L1TD1: variants seen among roughly 807,000 people sequenced by gnomAD.
L1TD1 encodes LINE-1 type transposase domain-containing protein 1.
A neutral mutation model predicts 25.7 loss-of-function variants in L1TD1; 26 were observed. The ratio of observed to expected loss-of-function variants is 1.01; its 90% CI spans 0.74 to 1.40. The LOEUF (loss-of-function observed/expected upper bound fraction) is 1.40. Among genes scored for constraint, L1TD1 ranks in the 40% most tolerant of loss-of-function variants. The pLI, the probability that L1TD1 is intolerant of heterozygous loss-of-function variation, is 0.00. For synonymous variants in L1TD1, 421 were observed against 335.6 expected (o/e 1.25, Z -2.78); for missense variants, 1,130 against 975.0 (o/e 1.16, Z -2.12).
Position 62,210,187 on chromosome 1 carries a change from C to T in L1TD1, c.1413C>T (p.Asp471=). ...ATGGCATGGAAACTACTTTCATTGA[C>T]TCTGTAGAGGATTCTGAATCAGAGG... ...TSDGMETTFI[D]SVEDSESEEE... Residue 471 remains aspartate, a synonymous_variant, in exon 4 of 4, where the codon GAC becomes GAT. Transcript: ENST00000498273. The T allele has an allele frequency of 6.2e-7, 1 of 1,613,842 alleles. No homozygotes were observed. The highest frequency in any genetic ancestry group is 2.2e-5 in the East Asian group (1 of 44,882).
In L1TD1 at chr1:62,209,992, G is replaced by GAA. The variant is rs1670828791; in HGVS notation, c.1218_1219insAA (p.Glu407LysfsTer27). 6.8e-7 allele frequency: 1 copy of GAA among 1,469,510 alleles called. No homozygotes were observed. The highest frequency in any genetic ancestry group is 1.6e-5 in the African/African-American group (1 of 64,366). 91.0% of individuals were successfully genotyped at this position (1,469,510 alleles called of 1,614,324 possible). A position where few individuals can be genotyped will look rare whatever the true frequency, so the allele number is the denominator to read the frequency against. On this transcript the variant is annotated frameshift_variant, in exon 4 of 4. Coordinates refer to ENST00000498273, the MANE Select transcript of L1TD1 (RefSeq NM_019079.5). LOFTEE classifies it low-confidence loss of function (END_TRUNC). ...AAGATACCTCAGGGCTGGAGGAGGAGGAGGAAGAGCCCTCAGGGCTGGAGG... is the reference window on the plus strand; with the variant it reads ...AAGATACCTCAGGGCTGGAGGAGGAGAAGAGGAAGAGCCCTCAGGGCTGGAGG...
chr1:62,210,737 A>G lies in L1TD1; in HGVS notation c.1963A>G (p.Arg655Gly), dbSNP rs1670850505. The change falls in exon 4 of 4, where the codon AGA becomes GGA. Residue 655 changes from arginine (R) to glycine (G), a missense_variant. Transcript: ENST00000498273. ...IENSVDDLSS[R>G]MDILEERIDS... ...AAATTCAGTAGATGATCTGAGTAGC[A>G]GAATGGACATACTTGAAGAAAGAAT... 3 of 1,551,714 alleles carry G rather than the reference A, an allele frequency of 1.9e-6. No homozygotes were observed. The highest frequency in any genetic ancestry group is 2.6e-6 in the Non-Finnish European group (3 of 1,146,982).
In L1TD1 at chr1:62,210,762, T is replaced by C; in HGVS notation, c.1988T>C (p.Ile663Thr). The change falls in exon 4 of 4, where the codon ATA becomes ACA. Residue 663 changes from isoleucine to threonine, a missense_variant. Transcript: ENST00000498273. Reference protein sequence around the residue: ...SSRMDILEERIDSLEDQIEEF... With the variant: ...SSRMDILEERTDSLEDQIEEF... Reference sequence around the variant, plus strand: ...AGAATGGACATACTTGAAGAAAGAATAGACAGTCTAGAAGATCAAATTGAA... The same window carrying C: ...AGAATGGACATACTTGAAGAAAGAACAGACAGTCTAGAAGATCAAATTGAA... 6 of 1,551,326 alleles carry C rather than the reference T, an allele frequency of 3.9e-6. No individual in the cohort carries two copies. The highest frequency in any genetic ancestry group is 2.4e-5 in the South Asian group (2 of 83,972).
At position 62,210,704 on chromosome 1, in the gene L1TD1, G is replaced by C; in HGVS notation, c.1930G>C (p.Glu644Gln). The C allele has an allele frequency of 6.4e-7, 1 of 1,552,042 alleles. No homozygotes were observed. The highest frequency in any genetic ancestry group is 8.7e-7 in the Non-Finnish European group (1 of 1,147,128). The change falls in exon 4 of 4, where the codon GAA (glutamate) becomes CAA (glutamine). Residue 644 changes from glutamate (E) to glutamine (Q), a missense_variant. Glu to Gln is a conservative substitution (Grantham distance 29, BLOSUM62 2). Transcript: ENST00000498273. ...GAAAAGTTCCCATTCAGGTGTCTTGGAAATTGAAAATTCAGTAGATGATCT... is the reference window on the plus strand; with the variant it reads ...GAAAAGTTCCCATTCAGGTGTCTTGCAAATTGAAAATTCAGTAGATGATCT... ...NLKSSHSGVL[E>Q]IENSVDDLSS...
At chr1:62,200,776 C>T (rs1670626161) in intron 2 of L1TD1, among the ~76,000 whole-genome samples, 1 of 152,068 alleles carries the variant, frequency 6.6e-6, no homozygotes, top group African/African-American at 2.4e-5. Flanking sequence ...AATAACTATT[C>T]CTACTTCTGA....
At chr1:62,205,401 C>A (rs1670719996) in intron 2 of L1TD1, among the ~76,000 whole-genome samples, 1 of 39,256 alleles carries the variant, frequency 2.5e-5, no homozygotes, top group Non-Finnish European at 4.5e-5. Flanking sequence ...CTCTCTCTCT[C>A]TCTCTCTCTC....
chr1:62,207,432 AGAAAAT>A lies in L1TD1; in HGVS notation c.807_812del (p.Glu269_Asn270del), dbSNP rs1157959597. 1.7e-5 allele frequency: 26 copies of A among 1,550,800 alleles called. No homozygotes were observed. Among genetic ancestry groups the A allele is most frequent in the Non-Finnish European group, 2.3e-5 (26 of 1,146,680 alleles). ...GGAGTAATGTCTTCAACATTCTGAG[AGAAAAT>A]GATTTTGAACCTAAATTTCTGTGTG... is the stretch of plus-strand genomic sequence containing the variant. On this transcript the variant is annotated inframe_deletion, in exon 3 of 4. Transcript: ENST00000498273.
At chr1:62,209,684 G>A (rs542934495) in intron 3 of L1TD1, 99 bp from the exon 4 acceptor site, 1 of 1,017,182 alleles carries the variant, frequency 9.8e-7, no homozygotes. Context: ...TGTCAGAATT[G>A]AAGCCATATT....
chr1:62,202,814 G>T (rs1030284385), intron 2 of L1TD1, among the ~76,000 whole-genome samples: 1 of 151,374 alleles, frequency 6.6e-6, no homozygotes, highest in Non-Finnish European at 1.5e-5. Flanking sequence ...CTCCTGAGCA[G>T]CTGGGATTAC....
chr1:62,210,100 G>A lies in L1TD1; in HGVS notation c.1326G>A (p.Gln442=), dbSNP rs1237507542. The A allele has an allele frequency of 9.3e-6, 15 of 1,613,954 alleles. No homozygotes were observed. The highest frequency in any genetic ancestry group is 1.2e-5 in the Non-Finnish European group (14 of 1,180,036). ...LEEEEEQTSE[Q]DSTFQGHTLV... Reference sequence around the variant, plus strand: ...AGGAAGAGGAACAGACTTCAGAACAGGACTCAACCTTTCAGGGTCATACTT... The same window carrying A: ...AGGAAGAGGAACAGACTTCAGAACAAGACTCAACCTTTCAGGGTCATACTT... Residue 442 remains glutamine, a synonymous_variant, in exon 4 of 4, where the codon CAG becomes CAA. Coordinates refer to ENST00000498273, the MANE Select transcript of L1TD1 (RefSeq NM_019079.5).
Position 62,210,445 on chromosome 1 carries a change from TCC to T in L1TD1, c.1673_1674del (p.Pro558LeufsTer9). The T allele has an allele frequency of 6.2e-7, 1 of 1,614,090 alleles. No individual in the cohort carries two copies. Among genetic ancestry groups the T allele is most frequent in the Non-Finnish European group, 8.5e-7 (1 of 1,180,030 alleles). On this transcript the variant is annotated frameshift_variant, in exon 4 of 4. Transcript: ENST00000498273. LOFTEE classifies it low-confidence loss of function (END_TRUNC). ...TPCLTLCLAS[P>X]SKSLEMSHDE... ...CCTGTCTGACCTTATGTTTGGCCTC[TCC>T]CTCAAAGTCACTAGAGATGAGTCAT...
chr1:62,200,831 C>T (rs183786774), intron 2 of L1TD1, among the ~76,000 whole-genome samples: 7 of 152,170 alleles, frequency 4.6e-5, no homozygotes, highest in Admixed American at 2.6e-4. Context: ...TACTCAACTC[C>T]TGGGATTGGG....
chr1:62,208,260 G>GAACAACTC (rs1557445917), intron 3 of L1TD1: 3 of 152,988 alleles, frequency 2.0e-5, no homozygotes, highest in East Asian at 3.9e-4. Context: ...TTGAGACCTT[G>GAACAACTC]AACAACTCCG....
Position 62,207,466 on chromosome 1 carries a change from G to A in L1TD1, c.838G>A (p.Val280Ile), listed in dbSNP as rs1340766493. 3.9e-6 allele frequency: 6 copies of A among 1,551,088 alleles called. No individual in the cohort carries two copies. The highest frequency in any genetic ancestry group is 5.2e-6 in the Non-Finnish European group (6 of 1,146,756). ...TTTTGAACCTAAATTTCTGTGTGAA[G>A]TTAAATTAGCATTTAAATGTGATGG... ...NDFEPKFLCE[V>I]KLAFKCDGEI... is the part of the protein sequence containing the mutation. Residue 280 changes from valine (V) to isoleucine (I), a missense_variant, in exon 3 of 4, where the codon GTT becomes ATT. By Grantham distance (29) the Val-to-Ile change is conservative. Coordinates refer to ENST00000498273, the MANE Select transcript of L1TD1 (RefSeq NM_019079.5).
chr1:62,195,907 C>T (rs1177747427), intron 1 of L1TD1, among the ~76,000 whole-genome samples: 2 of 151,714 alleles, frequency 1.3e-5, no homozygotes, highest in Non-Finnish European at 2.9e-5. Context: ...TGTGTTGGCT[C>T]GCGCCTGTAG....
At chr1:62,196,845 A>G (rs1015323886) in intron 2 of L1TD1, among the ~76,000 whole-genome samples, 1 of 151,832 alleles carries the variant, frequency 6.6e-6, no homozygotes, top group South Asian at 2.1e-4. Flanking sequence ...TTCCACCTCC[A>G]TCTCCTAAAG....
chr1:62,210,032 G>A lies in L1TD1; in HGVS notation c.1258G>A (p.Glu420Lys), dbSNP rs1670830265. The change falls in exon 4 of 4, where the codon GAG (glutamate) becomes AAG (lysine). Residue 420 changes from glutamate (E) to lysine (K), a missense_variant. By Grantham distance (56) the Glu-to-Lys change is moderately conservative (BLOSUM62 1). Transcript: ENST00000498273. ...AGGGCTGGAGGAGGAAGAAGAAGAA[G>A]AGGCTTCAGGGTTGGAGGAGGATGA... ...PSGLEEEEEE[E>K]ASGLEEDEAS... 1 of 1,612,364 alleles carries A rather than the reference G, an allele frequency of 6.2e-7. No homozygotes were observed. The highest frequency in any genetic ancestry group is 8.5e-7 in the Non-Finnish European group (1 of 1,178,882).
At position 62,197,400 on chromosome 1, in the gene L1TD1, TATATATATATATA is replaced by T. The variant is rs1557439380; in HGVS notation, c.-111+873_-111+885del. Among the ~76,000 whole-genome samples, 297 of 111,870 alleles carry T rather than the reference TATATATATATATA, an allele frequency of 2.7e-3. 4 individuals are homozygous for T. Among genetic ancestry groups the T allele is most frequent in the Admixed American group, 5.0e-3 (61 of 12,318 alleles). 73.4% of individuals were successfully genotyped at this position (111,870 alleles called of 152,430 possible). On this transcript the variant is annotated intron_variant, in intron 2 of 3. Coordinates refer to ENST00000498273, the MANE Select transcript of L1TD1 (RefSeq NM_019079.5). ...ACGCCCTCTCAAAAAAAATAAATTA[TATATATATATATA>T]TATATATATATATATATATAGTTTA...
In L1TD1 at chr1:62,210,290, C is replaced by G. The variant is rs754273790; in HGVS notation, c.1516C>G (p.Gln506Glu). 6.2e-7 allele frequency: 1 copy of G among 1,613,898 alleles called. No homozygotes were observed. Among genetic ancestry groups the G allele is most frequent in the East Asian group, 2.2e-5 (1 of 44,866 alleles). The change falls in exon 4 of 4, where the codon CAA becomes GAA. Residue 506 changes from glutamine to glutamate, a missense_variant. Coordinates refer to ENST00000498273, the MANE Select transcript of L1TD1 (RefSeq NM_019079.5). ...SLTEKKASRRQKEIPFSYLVG... is the reference protein window; with the variant it reads ...SLTEKKASRREKEIPFSYLVG... ...GACTGAGAAAAAAGCCTCACGTAGACAAAAAGAAATTCCCTTTAGTTATTT... is the reference window on the plus strand; with the variant it reads ...GACTGAGAAAAAAGCCTCACGTAGAGAAAAAGAAATTCCCTTTAGTTATTT...
Sources: gnomAD v4.1 joint callset for allele counts (sites outside exome capture counted in the v4.1 genomes callset) on GRCh38, gnomAD v4.1.1 for gene constraint, MANE v1.5 for transcripts, NCBI Gene and HGNC (gene_info 2026-07-23, HGNC 2026-07-21) for gene names.